Variants in GYPC observed in about 807,000 individuals in gnomAD.
GYPC encodes glycophorin-C.
In GYPC, 14 loss-of-function variants were observed where a neutral mutation model predicts 12.6. That is an observed-to-expected ratio of 1.11 (90% CI 0.74 to 1.74). GYPC has a LOEUF of 1.74. Among genes scored for constraint, GYPC ranks in the 40% most tolerant of loss-of-function variants. GYPC has a pLI of 0.00. For synonymous variants in GYPC, 78 were observed against 62.1 expected (o/e 1.26, Z -1.20); for missense variants, 225 against 172.1 (o/e 1.31, Z -1.72).
At chr2:126,663,950 GTCTCTCTCTCTCTC>G (rs61649506) in intron 1 of GYPC, among the ~76,000 whole-genome samples, 2,174 of 129,918 alleles carry the variant, frequency 0.017, 38 homozygotes, top group African/African-American at 0.031. Flanking sequence ...TAAGGTTCTG[GTCTCTCTCTCTCTC>G]TCTCTCTCTC....
chr2:126,695,550 A>C (rs770803443), intron 3 of GYPC, among the ~76,000 whole-genome samples: 2 of 152,208 alleles, frequency 1.3e-5, no homozygotes, highest in Non-Finnish European at 2.9e-5. Flanking sequence ...GCGTGAATGC[A>C]AAAGCATTCA....
intron 1 of GYPC, among the ~76,000 whole-genome samples, chr2:126,679,166 G>T (rs754264738): frequency 6.6e-6 from 1 of 152,194 alleles, no homozygotes; most frequent in African/African-American, 2.4e-5. Flanking sequence ...TGGGGAGCAG[G>T]TACCTCGAAG....
intron 1 of GYPC, 95 bp downstream of exon 1, chr2:126,656,407 G>A: frequency 9.2e-7 from 1 of 1,085,460 alleles, no homozygotes; most frequent in Non-Finnish European, 1.4e-6. Flanking sequence ...ACGCCCTGGT[G>A]TCCCGGTCCG....
At position 126,656,187 on chromosome 2, in the gene GYPC, G is replaced by C. The variant is rs1573550978; in HGVS notation, c.-77G>C. ...TCGCCGCCGAGGGTCAGGAGCCCGG[G>C]AGCGCGACCCTCCCCCGGCCCGGCC... is the stretch of plus-strand genomic sequence containing the variant. On this transcript the variant is annotated 5_prime_UTR_variant, in exon 1 of 4. Transcript: ENST00000259254. The C allele has an allele frequency of 3.3e-6, 5 of 1,532,354 alleles. No individual in the cohort carries two copies. The East Asian group carries it at 1.3e-4, about 39-fold the overall frequency. The allele number at this position is 1,532,354 out of a possible 1,614,324, so 94.9% of individuals were successfully genotyped here. A position where few individuals can be genotyped will look rare whatever the true frequency, so the allele number is the denominator to read the frequency against.
chr2:126,664,335 C>T (rs1284919371), intron 1 of GYPC, among the ~76,000 whole-genome samples: 2 of 152,098 alleles, frequency 1.3e-5, no homozygotes, highest in Non-Finnish European at 2.9e-5. Context: ...ATTTAGCCCT[C>T]TGGCAGCCCC....
chr2:126,659,479 A>G (rs1682470569), intron 1 of GYPC, among the ~76,000 whole-genome samples: 1 of 152,140 alleles, frequency 6.6e-6, no homozygotes, highest in Admixed American at 6.5e-5. Flanking sequence ...CAGTTTTCCC[A>G]TCTGTGAGTG....
At chr2:126,665,715 G>A (rs897710733) in intron 1 of GYPC, among the ~76,000 whole-genome samples, 3 of 152,244 alleles carry the variant, frequency 2.0e-5, no homozygotes, top group Non-Finnish European at 2.9e-5. Flanking sequence ...GGCTGTGCAC[G>A]CCCTGGCAAG....
chr2:126,667,212 T>G (rs1045215214), intron 1 of GYPC, among the ~76,000 whole-genome samples: 3 of 152,186 alleles, frequency 2.0e-5, no homozygotes, highest in Non-Finnish European at 4.4e-5. Flanking sequence ...AAGGCTGTTT[T>G]GCTTATTTTT....
At chr2:126,694,704 A>G (rs1385351606) in intron 3 of GYPC, among the ~76,000 whole-genome samples, 2 of 151,958 alleles carry the variant, frequency 1.3e-5, no homozygotes, top group Admixed American at 6.6e-5. Context: ...AAGTTTAGGA[A>G]ATTGTTCTAT....
At chr2:126,694,035 G>C in intron 3 of GYPC, 88 bp downstream of exon 3, 1 of 921,658 alleles carries the variant, frequency 1.1e-6, no homozygotes, top group Non-Finnish European at 1.8e-6. Context: ...AAGGACTTGG[G>C]CAGTGGTGGC....
rs1682343805 is a variant in GYPC, at chr2:126,656,163, C to A, written c.-101C>A. On this transcript the variant is annotated 5_prime_UTR_variant, in exon 1 of 4. Coordinates refer to ENST00000259254, the MANE Select transcript of GYPC (RefSeq NM_002101.5). ...GTGTGACCCAGGTGCCGCTTCCTCTCGCCGCCGAGGGTCAGGAGCCCGGGA... is the reference window on the plus strand; with the variant it reads ...GTGTGACCCAGGTGCCGCTTCCTCTAGCCGCCGAGGGTCAGGAGCCCGGGA... The A allele has an allele frequency of 8.0e-6, 12 of 1,499,642 alleles. No individual in the cohort carries two copies. The highest frequency in any genetic ancestry group is 9.8e-6 in the Non-Finnish European group (11 of 1,123,090). The allele number at this position is 1,499,642 out of a possible 1,614,324, so 92.9% of individuals were successfully genotyped here.
intron 1 of GYPC, among the ~76,000 whole-genome samples, chr2:126,659,053 G>C (rs1251120429): frequency 6.6e-6 from 1 of 152,138 alleles, no homozygotes; most frequent in Non-Finnish European, 1.5e-5. Flanking sequence ...CCCTCCTAAA[G>C]GTCACACCGG....
At chr2:126,695,081 TC>T (rs965312109) in intron 3 of GYPC, among the ~76,000 whole-genome samples, 16 of 152,094 alleles carry the variant, frequency 1.1e-4, no homozygotes, top group Non-Finnish European at 1.9e-4. Flanking sequence ...CCGTCCTCAG[TC>T]CCCAGGAGGG....
chr2:126,684,396 A>G (rs999677339), intron 1 of GYPC, among the ~76,000 whole-genome samples: 2 of 152,124 alleles, frequency 1.3e-5, no homozygotes, highest in Admixed American at 1.3e-4. Context: ...GTGATCAGGC[A>G]TCCAGGGAAG....
At chr2:126,686,281 G>C in intron 1 of GYPC, 2 of 985,752 alleles carry the variant, frequency 2.0e-6, no homozygotes, top group Non-Finnish European at 2.4e-6. Flanking sequence ...CTGAGGTTCT[G>C]CACCCCAACA....
chr2:126,694,365 C>A (rs551137591), intron 3 of GYPC, among the ~76,000 whole-genome samples: 1 of 152,252 alleles, frequency 6.6e-6, no homozygotes, highest in Non-Finnish European at 1.5e-5. Flanking sequence ...TTGATCCTGC[C>A]TTTGCCTTGC....
At chr2:126,682,217 G>C (rs768550953) in intron 1 of GYPC, among the ~76,000 whole-genome samples, 1 of 152,208 alleles carries the variant, frequency 6.6e-6, no homozygotes, top group East Asian at 1.9e-4. Context: ...TTTTGGAGAA[G>C]CATTTCCCTG....
rs139849196 is a variant in GYPC, at chr2:126,693,929, G to A, written c.172G>A (p.Asp58Asn). 35 of 1,610,506 alleles carry A rather than the reference G, an allele frequency of 2.2e-5. No individual in the cohort carries two copies. In the African/African-American group the frequency reaches 4.1e-4, roughly 19 times the overall value. ...RMETSTPTIM[D>N]IVVIAGVIAA... Reference sequence around the variant, plus strand: ...GGAGACCTCCACCCCCACCATAATGGACATTGTCGTCATTGCAGGTGAGCT... The same window carrying A: ...GGAGACCTCCACCCCCACCATAATGAACATTGTCGTCATTGCAGGTGAGCT... Residue 58 changes from aspartate to asparagine, a missense_variant, in exon 3 of 4, where the codon GAC becomes AAC. Physicochemically the swap from Asp to Asn is conservative, Grantham distance 23. Coordinates refer to ENST00000259254, the MANE Select transcript of GYPC (RefSeq NM_002101.5).
chr2:126,685,015 A>G (rs1399622875), intron 1 of GYPC, among the ~76,000 whole-genome samples: 1 of 152,172 alleles, frequency 6.6e-6, no homozygotes, highest in Admixed American at 6.5e-5. Flanking sequence ...GGAGAAATGG[A>G]TGCGTGGGTA....
Sources: gnomAD v4.1 joint callset for allele counts (sites outside exome capture counted in the v4.1 genomes callset) on GRCh38, gnomAD v4.1.1 for gene constraint, MANE v1.5 for transcripts, NCBI Gene and HGNC (gene_info 2026-07-23, HGNC 2026-07-21) for gene names.